Variants in PDXDC1 observed in about 807,000 individuals in gnomAD.
The protein encoded by PDXDC1 is pyridoxal-dependent decarboxylase domain-containing protein 1.
In PDXDC1, 42 loss-of-function variants were observed where a neutral mutation model predicts 100.1. The observed-to-expected ratio is 0.42, with a 90% CI of 0.33 to 0.54. PDXDC1 has a LOEUF of 0.54. Ranked by LOEUF, PDXDC1 falls within the 20% of genes least tolerant of loss-of-function variation. The probability of loss-of-function intolerance (pLI) is 0.10; values close to 1 mark genes in which losing one functional copy is unlikely to be tolerated. For missense variants in PDXDC1, 636 were observed against 979.2 expected (o/e 0.65, Z 4.68); for synonymous variants, 260 against 371.7 (o/e 0.70, Z 3.46).
chr16:14,994,872 A>G (rs1971626146), intron 1 of PDXDC1, among the ~76,000 whole-genome samples: 1 of 152,274 alleles, frequency 6.6e-6, no homozygotes, highest in African/African-American at 2.4e-5. Context: ...TGTAAGTTGG[A>G]TTCCTAGGTA....
chr16:15,068,524 G>T (rs1219814535), intron 16 of PDXDC1, among the ~76,000 whole-genome samples: 2 of 152,198 alleles, frequency 1.3e-5, no homozygotes, highest in Admixed American at 1.3e-4. Context: ...GTAGCAGGCT[G>T]TAAGATTCCA....
intron 16 of PDXDC1, among the ~76,000 whole-genome samples, chr16:15,070,904 G>A (rs144077536): frequency 1.1e-3 from 163 of 152,264 alleles, no homozygotes; most frequent in Non-Finnish European, 2.1e-3. Context: ...AACCAAAAGA[G>A]ATGACAAAAG....
chr16:15,065,526 C>A (rs1339486781), intron 16 of PDXDC1, among the ~76,000 whole-genome samples: 2 of 152,052 alleles, frequency 1.3e-5, no homozygotes, highest in African/African-American at 4.8e-5. Context: ...GAAAGTAACA[C>A]TTTTAGGGTA....
intron 13 of PDXDC1, 157 bp from the exon 14 acceptor site, chr16:15,026,486 T>C: frequency 1.5e-6 from 1 of 665,844 alleles, no homozygotes. Flanking sequence ...TACTAAACAT[T>C]TGATTTTTCT....
intron 1 of PDXDC1, among the ~76,000 whole-genome samples, chr16:14,986,177 A>G (rs1969325098): frequency 6.6e-6 from 1 of 152,248 alleles, no homozygotes; most frequent in African/African-American, 2.4e-5. Context: ...GCTAACTATT[A>G]AAGTCTCAGT....
chr16:15,152,065 C>T, the PDXDC1 span, among the ~76,000 whole-genome samples: 7 of 149,366 alleles, frequency 4.7e-5, no homozygotes, highest in African/African-American at 1.7e-4. Context: ...GAGCTTCGAG[C>T]CACGCAGAGC....
chr16:15,073,217 G>T, intron 16 of PDXDC1: 2 of 998,406 alleles, frequency 2.0e-6, no homozygotes, highest in African/African-American at 1.7e-5. Flanking sequence ...TGCAATCCCA[G>T]CACTTTGGGA....
chr16:15,014,256 T>C (rs1408880906), intron 8 of PDXDC1, among the ~76,000 whole-genome samples: 2 of 152,252 alleles, frequency 1.3e-5, no homozygotes, highest in Non-Finnish European at 2.9e-5. Context: ...ATATTCACTT[T>C]ATTGCCAACA....
chr16:14,982,439 G>A (rs1458425850), intron 1 of PDXDC1, among the ~76,000 whole-genome samples: 3 of 152,236 alleles, frequency 2.0e-5, no homozygotes, highest in Admixed American at 1.3e-4. Context: ...CCTGGCCCAC[G>A]TGGTGAAACC....
chr16:15,056,853 G>C (rs1322346624), intron 16 of PDXDC1, among the ~76,000 whole-genome samples: 1 of 152,106 alleles, frequency 6.6e-6, no homozygotes, highest in Non-Finnish European at 1.5e-5. Context: ...ACGTACTAAA[G>C]AGATCATCGA....
intron 6 of PDXDC1, among the ~76,000 whole-genome samples, chr16:15,007,741 A>T (rs991100436): frequency 6.6e-6 from 1 of 152,284 alleles, no homozygotes; most frequent in Non-Finnish European, 1.5e-5. Flanking sequence ...TTTAATAATA[A>T]TCCTCTGAAA....
intron 16 of PDXDC1, among the ~76,000 whole-genome samples, chr16:15,119,515 C>A (rs1357005652): frequency 6.7e-6 from 1 of 149,194 alleles, no homozygotes; most frequent in East Asian, 2.0e-4. Flanking sequence ...AGCTCCTGGG[C>A]TCAAGCCATT....
chr16:15,131,557 T>G, intron 16 of PDXDC1: 1 of 1,609,322 alleles, frequency 6.2e-7, no homozygotes, highest in South Asian at 1.1e-5. Flanking sequence ...CAGGGGCTCC[T>G]CGTTGAGCAC....
At chr16:15,099,419 CAAAAAAAAAA>C (rs768689960) in intron 16 of PDXDC1, among the ~76,000 whole-genome samples, 1 of 40,956 alleles carries the variant, frequency 2.4e-5, no homozygotes, top group Non-Finnish European at 4.7e-5. Flanking sequence ...GACTTGGTCT[CAAAAAAAAAA>C]AAAAAAAAAA....
At chr16:15,151,727 T>C in the PDXDC1 span, among the ~76,000 whole-genome samples, 861 of 98,908 alleles carry the variant, frequency 8.7e-3, 21 homozygotes, top group African/African-American at 0.025. Flanking sequence ...AGGTCAGGAG[T>C]TCAAGACCAG....
Position 15,130,579 on chromosome 16 carries a change from C to A in PDXDC1, c.1400-8300C>A. 3 of 1,357,072 alleles carry A rather than the reference C, an allele frequency of 2.2e-6. No homozygotes were observed. The East Asian group carries it at 6.9e-5, about 31-fold the overall frequency. 84.1% of individuals were successfully genotyped at this position (1,357,072 alleles called of 1,614,324 possible). A position where few individuals can be genotyped will look rare whatever the true frequency, so the allele number is the denominator to read the frequency against. On this transcript the variant is annotated intron_variant, in intron 16 of 16. Transcript: ENST00000535621. Reference sequence around the variant, plus strand: ...GTCCCCACAGGGCCTGTAACCCGGGCAATGCTGACCCATGATGCCCTGCCC... The same window carrying A: ...GTCCCCACAGGGCCTGTAACCCGGGAAATGCTGACCCATGATGCCCTGCCC...
At chr16:15,042,544 A>C (rs1249255730), downstream of PDXDC1, among the ~76,000 whole-genome samples, 8 of 151,786 alleles carry the variant, frequency 5.3e-5, no homozygotes, top group Non-Finnish European at 1.2e-4. Context: ...TGTAATTCTC[A>C]CCCTTTCATG....
chr16:15,085,533 G>C (rs995791877), intron 16 of PDXDC1: 2 of 1,519,708 alleles, frequency 1.3e-6, no homozygotes, highest in African/African-American at 2.8e-5. Context: ...GCCCAGGCTG[G>C]TCTCAAACTC....
At position 15,036,715 on chromosome 16, in the gene PDXDC1, G is replaced by C; in HGVS notation, c.*440G>C. ...CTGTATCCTTTGCTGTCGGTCTTTA[G>C]TACGATCAAGTTGCAATATACAGTG... On this transcript the variant is annotated 3_prime_UTR_variant, in exon 23 of 23. Coordinates refer to ENST00000396410, the MANE Select transcript of PDXDC1 (RefSeq NM_015027.4). 5.6e-6 allele frequency: 1 copy of C among 177,338 alleles called. No individual in the cohort carries two copies. The highest frequency in any genetic ancestry group is 1.5e-4 in the East Asian group (1 of 6,768). 11.0% of individuals were successfully genotyped at this position (177,338 alleles called of 1,614,324 possible). A position where few individuals can be genotyped will look rare whatever the true frequency, so the allele number is the denominator to read the frequency against.
Sources: gnomAD v4.1 joint callset for allele counts (sites outside exome capture counted in the v4.1 genomes callset) on GRCh38, gnomAD v4.1.1 for gene constraint, MANE v1.5 for transcripts, NCBI Gene and HGNC (gene_info 2026-07-23, HGNC 2026-07-21) for gene names.